The following RBFOX3 variants were observed in gnomAD, a reference collection of about 807,000 sequenced individuals.
RBFOX3 encodes the protein RNA binding protein fox-1 homolog 3.
Under a neutral mutation model 48.7 loss-of-function variants are expected in RBFOX3, and 17 were observed. The observed-to-expected ratio is 0.35, with a 90% CI of 0.24 to 0.52. The LOEUF (loss-of-function observed/expected upper bound fraction) is 0.52. RBFOX3 is among the 20% of genes least tolerant of loss of function. The probability of loss-of-function intolerance (pLI) is 0.94; values close to 1 mark genes in which losing one functional copy is unlikely to be tolerated. For missense variants in RBFOX3, 382 were observed against 497.5 expected (o/e 0.77, Z 2.21); for synonymous variants, 212 against 209.5 (o/e 1.01, Z -0.10).
intron 1 of RBFOX3, among the ~76,000 whole-genome samples, chr17:79,547,455 G>A (rs2090597573): frequency 6.6e-6 from 1 of 151,510 alleles, no homozygotes; most frequent in South Asian, 2.1e-4. Context: ...ACTCCATCTC[G>A]AAACAAAAAC....
chr17:79,403,665 C>G (rs2063115080), intron 2 of RBFOX3, among the ~76,000 whole-genome samples: 1 of 152,158 alleles, frequency 6.6e-6, no homozygotes, highest in Admixed American at 6.5e-5. Flanking sequence ...GGGGCTTGTT[C>G]CCTGTCCCCC....
chr17:79,202,539 A>G (rs35866811), intron 4 of RBFOX3, among the ~76,000 whole-genome samples: 54,469 of 152,104 alleles, frequency 0.36, 10,067 homozygotes, highest in East Asian at 0.51. Flanking sequence ...CAACAACCCC[A>G]TGGGACGGTT....
intron 3 of RBFOX3, among the ~76,000 whole-genome samples, chr17:79,267,705 A>C (rs895122143): frequency 7.2e-5 from 11 of 151,990 alleles, no homozygotes; most frequent in Non-Finnish European, 1.3e-4. Context: ...GTCACTCTCT[A>C]TGGAGGAAGA....
At chr17:79,332,292 T>G (rs7214890) in intron 2 of RBFOX3, among the ~76,000 whole-genome samples, 16,774 of 151,944 alleles carry the variant, frequency 0.11, 1,028 homozygotes, top group East Asian at 0.2. Context: ...TTTGTAGCTC[T>G]TTTCTTTTTT....
the RBFOX3 span, among the ~76,000 whole-genome samples, chr17:79,647,918 G>A: frequency 6.6e-6 from 1 of 150,914 alleles, no homozygotes; most frequent in Non-Finnish European, 1.5e-5. Flanking sequence ...TGGGGGTGCA[G>A]TGGTGGACAC....
At position 79,588,321 on chromosome 17, in the gene RBFOX3, T is replaced by C. The variant is rs976726002; in HGVS notation, c.-320+22505A>G. Among the ~76,000 whole-genome samples the C allele has an allele frequency of 1.2e-3, 177 of 152,288 alleles. 3 individuals are homozygous for C. The South Asian group carries it at 0.019, about 16-fold the overall frequency. Reference sequence around the variant, plus strand: ...CTAATGCACTTGATAACTGATCTTATTCTCCCCCGGGGACTCTGGGTGCAA... The same window carrying C: ...CTAATGCACTTGATAACTGATCTTACTCTCCCCCGGGGACTCTGGGTGCAA... On this transcript the variant is annotated intron_variant, in intron 1 of 14. Transcript: ENST00000693108.
At chr17:79,403,110 G>A (rs1019599171) in intron 2 of RBFOX3, among the ~76,000 whole-genome samples, 17 of 152,216 alleles carry the variant, frequency 1.1e-4, no homozygotes, top group Non-Finnish European at 2.4e-4. Flanking sequence ...TGCAGCCAGG[G>A]GGAAGGAGGA....
intron 2 of RBFOX3, among the ~76,000 whole-genome samples, chr17:79,328,191 C>T (rs1201381521): frequency 3.9e-5 from 6 of 152,326 alleles, no homozygotes; most frequent in East Asian, 1.9e-4. Context: ...GTGTCTGGAA[C>T]GGAGATGGGA....
At chr17:79,340,486 G>A (rs548594728) in intron 2 of RBFOX3, among the ~76,000 whole-genome samples, 63 of 152,258 alleles carry the variant, frequency 4.1e-4, no homozygotes, top group African/African-American at 1.5e-3. Flanking sequence ...TCAGAGTTCT[G>A]TGTAAAGATG....
chr17:79,112,761 G>A (rs1057071549), intron 5 of RBFOX3, among the ~76,000 whole-genome samples: 20 of 152,150 alleles, frequency 1.3e-4, no homozygotes, highest in Middle Eastern at 3.4e-3. Flanking sequence ...CAACTGCCAG[G>A]GCAGCCCATG....
At chr17:79,513,603 C>T (rs2084822539) in intron 1 of RBFOX3, among the ~76,000 whole-genome samples, 1 of 152,218 alleles carries the variant, frequency 6.6e-6, no homozygotes, top group South Asian at 2.1e-4. Context: ...TCCTTGGAAC[C>T]AGACTGCTTG....
intron 1 of RBFOX3, among the ~76,000 whole-genome samples, chr17:79,594,943 C>T (rs1244228825): frequency 3.9e-5 from 6 of 152,118 alleles, no homozygotes; most frequent in Admixed American, 3.9e-4. Context: ...CTGTGGGTGC[C>T]ACACAGAGGG....
At chr17:79,404,144 C>T (rs1470481728) in intron 2 of RBFOX3, among the ~76,000 whole-genome samples, 2 of 152,194 alleles carry the variant, frequency 1.3e-5, no homozygotes, top group Non-Finnish European at 2.9e-5. Flanking sequence ...GCCAGTGTCC[C>T]GTCCCCACTC....
chr17:79,315,084 C>T (rs1195172783), intron 2 of RBFOX3, among the ~76,000 whole-genome samples: 1 of 152,174 alleles, frequency 6.6e-6, no homozygotes, highest in East Asian at 1.9e-4. Flanking sequence ...CCTGATTATA[C>T]ATGCGTGACA....
chr17:79,529,277 G>T (rs2087309213), intron 1 of RBFOX3, among the ~76,000 whole-genome samples: 1 of 152,198 alleles, frequency 6.6e-6, no homozygotes, highest in East Asian at 1.9e-4. Flanking sequence ...CCCAGCAAAG[G>T]TTGACCCATC....
At chr17:79,343,580 A>G (rs2082422913) in intron 2 of RBFOX3, among the ~76,000 whole-genome samples, 1 of 152,168 alleles carries the variant, frequency 6.6e-6, no homozygotes, top group African/African-American at 2.4e-5. Context: ...AATGTCATTT[A>G]GCTTCTTGAG....
intron 4 of RBFOX3, among the ~76,000 whole-genome samples, chr17:79,189,509 G>A (rs960520335): frequency 3.3e-5 from 5 of 152,224 alleles, no homozygotes; most frequent in East Asian, 1.9e-4. Flanking sequence ...TAGCTTGGGC[G>A]TTTACTAATC....
intron 2 of RBFOX3, among the ~76,000 whole-genome samples, chr17:79,317,656 T>G (rs960281297): frequency 7.2e-5 from 11 of 152,186 alleles, no homozygotes; most frequent in African/African-American, 2.4e-4. Context: ...GTCTGCAAAT[T>G]GGCAAGGAAT....
At chr17:79,240,121 G>C (rs1180933745) in intron 3 of RBFOX3, among the ~76,000 whole-genome samples, 1 of 152,142 alleles carries the variant, frequency 6.6e-6, no homozygotes, top group Non-Finnish European at 1.5e-5. Flanking sequence ...CCATCCAAAT[G>C]ACGGAAGTCT....
Sources: allele counts gnomAD v4.1 joint callset (sites outside exome capture counted in the v4.1 genomes callset), GRCh38; gene constraint gnomAD v4.1.1; transcripts MANE v1.5; gene names NCBI Gene and HGNC (gene_info 2026-07-23, HGNC 2026-07-21).